WDFY3: variants seen among roughly 807,000 people sequenced by gnomAD.
WDFY3 encodes the protein WD repeat and FYVE domain-containing protein 3.
WDFY3 carries 66 observed loss-of-function variants against 409.6 expected under a neutral mutation model. That is an observed-to-expected ratio of 0.16 (90% CI 0.13 to 0.20). The LOEUF (loss-of-function observed/expected upper bound fraction) is 0.20. Ranked by LOEUF, WDFY3 falls within the 10% of genes least tolerant of loss-of-function variation. WDFY3 has a pLI of 1.00. For synonymous variants in WDFY3, 1,521 were observed against 1,537.1 expected (o/e 0.99, Z 0.25); for missense variants, 3,031 against 4,298.1 (o/e 0.71, Z 8.24).
chr4:84,961,391 A>G (rs1393963347), intron 1 of WDFY3, among the ~76,000 whole-genome samples: 1 of 152,042 alleles, frequency 6.6e-6, no homozygotes, highest in African/African-American at 2.4e-5. Context: ...TTTTCCCTTT[A>G]AGTCCAAGTA....
At chr4:84,926,434 TA>T (rs955066563) in intron 2 of WDFY3, among the ~76,000 whole-genome samples, 16 of 152,074 alleles carry the variant, frequency 1.1e-4, no homozygotes, top group Admixed American at 8.5e-4. Flanking sequence ...AATACAATTT[TA>T]TTTTGCTACG....
intron 36 of WDFY3, among the ~76,000 whole-genome samples, chr4:84,750,397 C>T (rs934081246): frequency 6.6e-6 from 1 of 151,696 alleles, no homozygotes; most frequent in African/African-American, 2.4e-5. Flanking sequence ...GATACTTTCG[C>T]ATGAATAAGA....
intron 2 of WDFY3, among the ~76,000 whole-genome samples, chr4:84,917,337 C>G (rs895063426): frequency 6.6e-6 from 1 of 152,154 alleles, no homozygotes. Context: ...TGGTCCAAAC[C>G]TTCCTCTTTA....
In WDFY3 at chr4:84,753,609, C is replaced by T. The variant is rs1578370837; in HGVS notation, c.5739+88G>A. On this transcript the variant is annotated intron_variant, in intron 35 of 67. Transcript: ENST00000295888. ...CTTGGTCAGAAACTTAAAAGACTGT[C>T]AAAAAAAATCTGCTAACCATTGAAA... 4 of 1,386,026 alleles carry T rather than the reference C, an allele frequency of 2.9e-6. No individual in the cohort carries two copies. The East Asian group carries it at 1.0e-4, about 36-fold the overall frequency. 85.9% of individuals were successfully genotyped at this position (1,386,026 alleles called of 1,614,324 possible).
chr4:84,730,248 T>C (rs1736367983), intron 44 of WDFY3, among the ~76,000 whole-genome samples: 1 of 152,162 alleles, frequency 6.6e-6, no homozygotes, highest in African/African-American at 2.4e-5. Context: ...TTCGAGGCCA[T>C]TTTAGTGGAA....
At chr4:84,930,373 T>A (rs952772961) in intron 2 of WDFY3, among the ~76,000 whole-genome samples, 1 of 152,080 alleles carries the variant, frequency 6.6e-6, no homozygotes, top group Non-Finnish European at 1.5e-5. Flanking sequence ...ATTTCAGAAA[T>A]TGATGATGAT....
intron 5 of WDFY3, among the ~76,000 whole-genome samples, chr4:84,841,721 T>C (rs1410383833): frequency 6.6e-6 from 1 of 152,186 alleles, no homozygotes; most frequent in Non-Finnish European, 1.5e-5. Context: ...AGAAGTGCAG[T>C]CTAATACCAA....
chr4:84,960,928 A>C (rs1774833087), intron 1 of WDFY3, among the ~76,000 whole-genome samples: 1 of 152,228 alleles, frequency 6.6e-6, no homozygotes, highest in Admixed American at 6.5e-5. Context: ...AACTACGTGA[A>C]ATTTCAAAGA....
intron 3 of WDFY3, among the ~76,000 whole-genome samples, chr4:84,889,502 A>T (rs914533185): frequency 6.6e-6 from 1 of 152,202 alleles, no homozygotes; most frequent in Non-Finnish European, 1.5e-5. Context: ...GTGATTAAAA[A>T]AAATTCTGGT....
intron 30 of WDFY3, among the ~76,000 whole-genome samples, chr4:84,767,977 G>A (rs796111805): frequency 1.7e-4 from 26 of 152,340 alleles, no homozygotes; most frequent in Admixed American, 4.6e-4. Context: ...CAGCTACTCA[G>A]AAGGCTGATG....
intron 44 of WDFY3, among the ~76,000 whole-genome samples, chr4:84,727,556 G>A (rs1735868554): frequency 6.6e-6 from 1 of 152,112 alleles, no homozygotes; most frequent in Non-Finnish European, 1.5e-5. Flanking sequence ...TTAGGTAATG[G>A]CTTTATATTT....
At chr4:84,955,590 T>C (rs1455257095) in intron 1 of WDFY3, among the ~76,000 whole-genome samples, 3 of 152,214 alleles carry the variant, frequency 2.0e-5, no homozygotes, top group Admixed American at 6.5e-5. Flanking sequence ...TATTGTACTA[T>C]AGTTATAAGA....
chr4:84,929,478 C>T (rs561225834), intron 2 of WDFY3, among the ~76,000 whole-genome samples: 4 of 151,158 alleles, frequency 2.6e-5, no homozygotes, highest in African/African-American at 9.7e-5. Flanking sequence ...CGCCCCCCCC[C>T]CCAAATTCAT....
At chr4:84,783,364 CA>C (rs1746909857) in intron 24 of WDFY3, among the ~76,000 whole-genome samples, 5 of 152,204 alleles carry the variant, frequency 3.3e-5, no homozygotes, top group Middle Eastern at 3.4e-3. Flanking sequence ...TCTTGTGGTG[CA>C]TTACTCAGGA....
chr4:84,791,195 A>G (rs1426118933), intron 21 of WDFY3, among the ~76,000 whole-genome samples: 1 of 152,232 alleles, frequency 6.6e-6, no homozygotes, highest in Non-Finnish European at 1.5e-5. Context: ...AATGTGGTAC[A>G]TATATACAAT....
chr4:84,678,093 G>A (rs1024597900), intron 66 of WDFY3, 75 bp downstream of exon 66: 5 of 1,048,746 alleles, frequency 4.8e-6, no homozygotes, highest in South Asian at 2.5e-5. Context: ...CCCAAAGACT[G>A]GGCTGGAGTA....
In WDFY3 at chr4:84,801,840, C is replaced by G. The variant is rs772888407; in HGVS notation, c.2632G>C (p.Val878Leu). The change falls in exon 17 of 68, where the codon GTG becomes CTG. Residue 878 changes from valine to leucine, a missense_variant. Around this residue, in one of 16 missense-constraint regions of WDFY3, gnomAD observed 1,322 missense variants for 1,697.9 expected, o/e 0.78. Transcript: ENST00000295888. ...ACCAGGGATTGTAAAATATTTGCCA[C>G]GGCAAGTTGAAGATCCAAAGCATGC... ...PEHALDLQLAVANILQSLVHT... is the reference protein window; with the variant it reads ...PEHALDLQLALANILQSLVHT... 7.4e-6 allele frequency: 12 copies of G among 1,614,022 alleles called. No individual in the cohort carries two copies. The highest frequency in any genetic ancestry group is 1.0e-5 in the Non-Finnish European group (12 of 1,179,942).
intron 14 of WDFY3, 73 bp downstream of exon 14, chr4:84,809,814 A>G: frequency 3.0e-6 from 4 of 1,349,308 alleles, no homozygotes; most frequent in Non-Finnish European, 4.1e-6. Flanking sequence ...GGATTAACTC[A>G]TAATTCAAGT....
intron 37 of WDFY3, among the ~76,000 whole-genome samples, chr4:84,742,388 T>C (rs1450164339): frequency 2.0e-5 from 3 of 152,172 alleles, no homozygotes; most frequent in Admixed American, 6.5e-5. Flanking sequence ...TAAAGTATAA[T>C]CATTGTTGAG....
Sources: gnomAD v4.1 joint callset for allele counts (sites outside exome capture counted in the v4.1 genomes callset) on GRCh38, gnomAD v4.1.1 for gene constraint, gnomAD v4.1.1 regional missense constraint, MANE v1.5 for transcripts, NCBI Gene and HGNC (gene_info 2026-07-23, HGNC 2026-07-21) for gene names.